DDX47: variants seen among roughly 807,000 people sequenced by gnomAD.
DDX47 encodes probable ATP-dependent RNA helicase DDX47.
A neutral mutation model predicts 58.8 loss-of-function variants in DDX47; 60 were observed. That is an observed-to-expected ratio of 1.02 (90% CI 0.83 to 1.26). The LOEUF (loss-of-function observed/expected upper bound fraction) is 1.26. Ranked by LOEUF, DDX47 falls within the 50% of genes most tolerant of loss-of-function variation. The pLI, the probability that DDX47 is intolerant of heterozygous loss-of-function variation, is 0.00. For missense variants in DDX47, 530 were observed against 573.2 expected (o/e 0.92, Z 0.77); for synonymous variants, 197 against 204.6 (o/e 0.96, Z 0.32).
chr12:12,829,815 C>G lies in DDX47; in HGVS notation c.*261C>G, dbSNP rs1863104993. On this transcript the variant is annotated 3_prime_UTR_variant, in exon 12 of 12. Coordinates refer to ENST00000358007, the MANE Select transcript of DDX47 (RefSeq NM_016355.4). ...GGGTGTGCTCTTCTGTCACTTCACA[C>G]AGACCTTTTGCCTTTTTTAGCTGCA... is the stretch of plus-strand genomic sequence containing the variant. The G allele has an allele frequency of 1.3e-5, 4 of 298,504 alleles. No individual in the cohort carries two copies. Among genetic ancestry groups the G allele is most frequent in the Non-Finnish European group, 2.4e-5 (4 of 163,464 alleles). The allele number at this position is 298,504 out of a possible 1,614,324, so 18.5% of individuals were successfully genotyped here. A position where few individuals can be genotyped will look rare whatever the true frequency, so the allele number is the denominator to read the frequency against.
chr12:12,814,620 A>G (rs1357700177), intron 2 of DDX47: 2 of 165,040 alleles, frequency 1.2e-5, no homozygotes, highest in Non-Finnish European at 2.6e-5. Flanking sequence ...GTTAAAGCAG[A>G]TTGATGGCTA....
chr12:12,825,875 A>G (rs1863044508), intron 9 of DDX47, 125 bp from the exon 10 acceptor site: 1 of 707,202 alleles, frequency 1.4e-6, no homozygotes, highest in Non-Finnish European at 2.2e-6. Flanking sequence ...CCGGCCATTT[A>G]TTTTCTCCAT....
intron 2 of DDX47, among the ~76,000 whole-genome samples, chr12:12,815,390 C>T (rs1002124265): frequency 2.6e-5 from 4 of 152,106 alleles, no homozygotes; most frequent in African/African-American, 9.7e-5. Context: ...ATGTAAGGCA[C>T]TGGAGGTTAA....
intron 2 of DDX47, among the ~76,000 whole-genome samples, chr12:12,818,482 C>T (rs1205663606): frequency 1.3e-5 from 2 of 151,642 alleles, no homozygotes; most frequent in Non-Finnish European, 2.9e-5. Flanking sequence ...GATCTCGCCA[C>T]TGCACCCCAG....
intron 10 of DDX47, 65 bp downstream of exon 10, chr12:12,826,135 T>C: frequency 7.2e-7 from 1 of 1,387,902 alleles, no homozygotes; most frequent in Non-Finnish European, 1.0e-6. Context: ...AGCCACTGGC[T>C]GAGAACCTGA....
chr12:12,829,591 A>C lies in DDX47; in HGVS notation c.*37A>C, dbSNP rs1434920284. On this transcript the variant is annotated 3_prime_UTR_variant, in exon 12 of 12. Transcript: ENST00000358007. ...AAGGCTCGAGTTCTGCTGTTCTGTA[A>C]AAGAGAATTGGAGAATGAAACCTGC... The C allele has an allele frequency of 1.9e-6, 3 of 1,603,424 alleles. No homozygotes were observed. The highest frequency in any genetic ancestry group is 8.5e-7 in the Non-Finnish European group (1 of 1,175,828).
At chr12:12,824,048 C>T in intron 8 of DDX47, 32 bp downstream of exon 8, 1 of 1,603,618 alleles carries the variant, frequency 6.2e-7, no homozygotes, top group East Asian at 2.2e-5. Flanking sequence ...CAGCCATGCA[C>T]TGGTGGCGTG....
In DDX47 at chr12:12,823,920, G is replaced by A. The variant is rs1592323944; in HGVS notation, c.801G>A (p.Met267Ile). 2.5e-6 allele frequency: 4 copies of A among 1,614,088 alleles called. No homozygotes were observed. The East Asian group carries it at 8.9e-5, about 36-fold the overall frequency. The change falls in exon 8 of 12, where the codon ATG becomes ATA. Residue 267 changes from methionine (M) to isoleucine (I), a missense_variant. Transcript: ENST00000358007. ...ILNELAGNSF[M>I]IFCSTCNNTQ... ...ATGAATTGGCTGGAAACTCCTTTATGATATTCTGCAGCACCTGTAATAATA... is the reference window on the plus strand; with the variant it reads ...ATGAATTGGCTGGAAACTCCTTTATAATATTCTGCAGCACCTGTAATAATA...
chr12:12,826,021 C>T lies in DDX47; in HGVS notation c.1057C>T (p.Arg353Ter), dbSNP rs756530038. The change falls in exon 10 of 12, where the codon CGA becomes TGA. Residue 353 changes from arginine to a stop codon, truncating the protein, a stop_gained. Transcript: ENST00000358007. LOFTEE classifies it high-confidence loss of function. ...TTAGGATTACATCCATCGAGTAGGT[C>T]GAACAGCTAGAGCTGGGCGCTCCGG... ...HSKDYIHRVG[R>*]TARAGRSGKA... is the part of the protein sequence containing the mutation. The T allele has an allele frequency of 1.6e-5, 26 of 1,613,092 alleles. No individual in the cohort carries two copies. The Admixed American group carries it at 2.2e-4, about 13-fold the overall frequency.
chr12:12,821,156 A>G, intron 2 of DDX47, 52 bp from the exon 3 acceptor site: 1 of 1,584,312 alleles, frequency 6.3e-7, no homozygotes, highest in East Asian at 2.2e-5. Context: ...TGTAGAAAAC[A>G]CAGAAATAGC....
chr12:12,815,539 G>C (rs1321637014), intron 2 of DDX47, among the ~76,000 whole-genome samples: 2 of 152,176 alleles, frequency 1.3e-5, no homozygotes, highest in African/African-American at 4.8e-5. Context: ...ATGGATTAGA[G>C]AAGATTTATT....
intron 9 of DDX47, among the ~76,000 whole-genome samples, chr12:12,825,708 G>A (rs1023600368): frequency 1.3e-5 from 2 of 152,120 alleles, no homozygotes; most frequent in African/African-American, 4.8e-5. Context: ...GCTCTGCCTC[G>A]AGATCCAGTG....
intron 2 of DDX47, among the ~76,000 whole-genome samples, chr12:12,817,537 A>G (rs1408886181): frequency 6.6e-6 from 1 of 152,186 alleles, no homozygotes; most frequent in Non-Finnish European, 1.5e-5. Context: ...ACACATTGAG[A>G]CACCATCTAT....
intron 2 of DDX47, chr12:12,814,465 G>C: frequency 2.4e-6 from 1 of 424,084 alleles, no homozygotes; most frequent in Non-Finnish European, 4.4e-6. Context: ...CTAGGTTAAA[G>C]TTAAAGTATA....
At position 12,822,676 on chromosome 12, in the gene DDX47, A is replaced by G. The variant is rs1346707193; in HGVS notation, c.577A>G (p.Lys193Glu). The change falls in exon 6 of 12, where the codon AAA becomes GAA. Residue 193 changes from lysine to glutamate, a missense_variant. By Grantham distance (56) the Lys-to-Glu change is moderately conservative (BLOSUM62 1). Coordinates refer to ENST00000358007, the MANE Select transcript of DDX47 (RefSeq NM_016355.4). ...TGTGCTTTAGGTTGACAAGATCCTCAAAGTGATTCCTCGAGATCGGAAAAC... is the reference window on the plus strand; with the variant it reads ...TGTGCTTTAGGTTGACAAGATCCTCGAAGTGATTCCTCGAGATCGGAAAAC... ...DFETEVDKIL[K>E]VIPRDRKTFL... 3 of 1,614,074 alleles carry G rather than the reference A, an allele frequency of 1.9e-6. No individual in the cohort carries two copies. Among genetic ancestry groups the G allele is most frequent in the Admixed American group, 1.7e-5 (1 of 60,020 alleles).
intron 10 of DDX47, among the ~76,000 whole-genome samples, chr12:12,826,674 T>C (rs1863056890): frequency 1.3e-5 from 2 of 152,188 alleles, no homozygotes; most frequent in Non-Finnish European, 2.9e-5. Context: ...GGTCTTGAAC[T>C]CCTGAGCTCA....
chr12:12,824,409 G>A (rs1330638623), intron 8 of DDX47, 131 bp from the exon 9 acceptor site: 4 of 904,694 alleles, frequency 4.4e-6, no homozygotes, highest in Non-Finnish European at 6.5e-6. Context: ...GACCTGTGAA[G>A]CCCCATTCAA....
chr12:12,822,491 A>G (rs1185605588), intron 5 of DDX47, among the ~76,000 whole-genome samples, 170 bp from the exon 6 acceptor site: 2 of 152,178 alleles, frequency 1.3e-5, no homozygotes, highest in East Asian at 3.8e-4. Flanking sequence ...GTAGGGTATC[A>G]GATAGTAAAT....
At chr12:12,824,422 C>G in intron 8 of DDX47, 118 bp from the exon 9 acceptor site, 4 of 1,176,670 alleles carry the variant, frequency 3.4e-6, no homozygotes, top group Non-Finnish European at 4.7e-6. Context: ...CCATTCAAAA[C>G]TTAGGGGGAA....
Sources: allele counts gnomAD v4.1 joint callset (sites outside exome capture counted in the v4.1 genomes callset), GRCh38; gene constraint gnomAD v4.1.1; transcripts MANE v1.5; gene names NCBI Gene and HGNC (gene_info 2026-07-23, HGNC 2026-07-21).